Variants in SLIT2 observed in about 807,000 individuals in gnomAD.
SLIT2 encodes the protein slit guidance ligand 2, also known as slit homolog 2 protein.
In SLIT2, 41 loss-of-function variants were observed where a neutral mutation model predicts 185.7. That is an observed-to-expected ratio of 0.22 (90% CI 0.17 to 0.29). The LOEUF (loss-of-function observed/expected upper bound fraction) is 0.29. Among genes scored for constraint, SLIT2 ranks in the 10% least tolerant of loss-of-function variants. SLIT2 has a pLI of 1.00. For missense variants in SLIT2, 1,571 were observed against 1,909.0 expected, an observed-to-expected ratio of 0.82 and a Z score of 3.30; for synonymous variants, 693 against 680.2, an observed-to-expected ratio of 1.02 and a Z score of -0.29.
In SLIT2 at chr4:20,448,479, C is replaced by A. The variant is rs993025868; in HGVS notation, c.396-19273C>A. Among the ~76,000 whole-genome samples the A allele has an allele frequency of 3.9e-5, 6 of 151,972 alleles. No individual in the cohort carries two copies. The South Asian group carries it at 1.2e-3, about 32-fold the overall frequency. Reference sequence around the variant, plus strand: ...GGGATTACCAACATGAGCAACTACACCCAGCCAATTTTTGTATTTTTAGTA... The same window carrying A: ...GGGATTACCAACATGAGCAACTACAACCAGCCAATTTTTGTATTTTTAGTA... On this transcript the variant is annotated intron_variant, in intron 4 of 36. Transcript: ENST00000504154.
intron 4 of SLIT2, among the ~76,000 whole-genome samples, chr4:20,345,930 G>A (rs2109247900): frequency 6.6e-6 from 1 of 152,210 alleles, no homozygotes; most frequent in African/African-American, 2.4e-5. Context: ...CAAGATATCT[G>A]TAGACTAATT....
chr4:20,401,193 GA>G (rs1275769211), intron 4 of SLIT2, among the ~76,000 whole-genome samples: 1 of 151,830 alleles, frequency 6.6e-6, no homozygotes, highest in Non-Finnish European at 1.5e-5. Flanking sequence ...GGTAAAAGGT[GA>G]ATGATTTTCC....
chr4:20,532,071 T>C lies in SLIT2; in HGVS notation c.1688+13T>C. 6.9e-7 allele frequency: 1 copy of C among 1,458,336 alleles called. No homozygotes were observed. Among genetic ancestry groups the C allele is most frequent in the Non-Finnish European group, 9.2e-7 (1 of 1,088,952 alleles). 90.3% of individuals were successfully genotyped at this position (1,458,336 alleles called of 1,614,324 possible). ...AATTACGTAAAATGTAAGTCACTTGTTAGCTATTTTTTTTATTTCTGTAGC... is the reference window on the plus strand; with the variant it reads ...AATTACGTAAAATGTAAGTCACTTGCTAGCTATTTTTTTTATTTCTGTAGC... On this transcript the variant is annotated intron_variant, in intron 17 of 36. Transcript: ENST00000504154.
intron 4 of SLIT2, among the ~76,000 whole-genome samples, chr4:20,398,501 T>C (rs1726096215): frequency 1.3e-5 from 2 of 151,710 alleles, no homozygotes; most frequent in Admixed American, 1.3e-4. Context: ...AATCAGGAAG[T>C]TAGAAGTTAA....
At chr4:20,554,397 G>C in intron 26 of SLIT2, 1 of 455,588 alleles carries the variant, frequency 2.2e-6, no homozygotes, top group South Asian at 1.6e-5. Flanking sequence ...CTCGCCTTAT[G>C]TGCTGCAGCC....
At chr4:20,377,040 AT>A (rs1724080315) in intron 4 of SLIT2, among the ~76,000 whole-genome samples, 1 of 152,132 alleles carries the variant, frequency 6.6e-6, no homozygotes, top group East Asian at 1.9e-4. Context: ...AGTAAAAAAA[AT>A]AAAAAGAGAG....
intron 4 of SLIT2, among the ~76,000 whole-genome samples, chr4:20,438,052 C>A (rs1037290279): frequency 2.0e-5 from 3 of 151,964 alleles, no homozygotes; most frequent in Non-Finnish European, 4.4e-5. Context: ...TTCTCAACAT[C>A]TCCATTGCCT....
chr4:20,442,543 AGG>A (rs1221386484), intron 4 of SLIT2, among the ~76,000 whole-genome samples: 72 of 125,638 alleles, frequency 5.7e-4, no homozygotes, highest in African/African-American at 2.1e-3. Flanking sequence ...AAAAAAAAAA[AGG>A]GGGGGGAGGG....
intron 9 of SLIT2, among the ~76,000 whole-genome samples, chr4:20,502,304 C>T (rs1718812851): frequency 6.6e-6 from 1 of 152,030 alleles, no homozygotes; most frequent in African/African-American, 2.4e-5. Context: ...CTTCAAAAGT[C>T]CAAGGAATCT....
chr4:20,299,646 C>G (rs1042344561), intron 4 of SLIT2, among the ~76,000 whole-genome samples: 1 of 142,446 alleles, frequency 7.0e-6, no homozygotes, highest in Non-Finnish European at 1.5e-5. Context: ...GTTCATTTTG[C>G]CTTTTTTTGT....
chr4:20,472,564 C>A lies in SLIT2; in HGVS notation c.467+4741C>A, dbSNP rs370424567. Among the ~76,000 whole-genome samples, 17 of 4,656 alleles carry A rather than the reference C, an allele frequency of 3.7e-3. 4 individuals are homozygous for A. The highest frequency in any genetic ancestry group is 0.1 in the East Asian group (2 of 20). 3.1% of individuals were successfully genotyped at this position (4,656 alleles called of 152,430 possible). On this transcript the variant is annotated intron_variant, in intron 5 of 36. Transcript: ENST00000504154. ...TCTATATCTATATATAGATATATAT[C>A]TATATATAGATATATCTATATATAG...
Position 20,541,785 on chromosome 4 carries a change from C to T in SLIT2, c.2143+166C>T, listed in dbSNP as rs561378721. Among the ~76,000 whole-genome samples the T allele has an allele frequency of 2.6e-5, 4 of 152,294 alleles. No homozygotes were observed. The East Asian group carries it at 7.7e-4, about 29-fold the overall frequency. ...GTGCCAGGACACTTACTTTCTTAGA[C>T]TTGCCTTCCACATTTGAGTCTACTT... On this transcript the variant is annotated intron_variant, in intron 20 of 36. Transcript: ENST00000504154.
chr4:20,562,960 G>A (rs1560197723), intron 26 of SLIT2, among the ~76,000 whole-genome samples: 1 of 151,636 alleles, frequency 6.6e-6, no homozygotes, highest in African/African-American at 2.4e-5. Flanking sequence ...GGAGCTTTTG[G>A]TAATAAATCA....
intron 4 of SLIT2, among the ~76,000 whole-genome samples, chr4:20,272,333 T>C (rs1273693552): frequency 6.6e-6 from 1 of 152,086 alleles, no homozygotes; most frequent in East Asian, 1.9e-4. Flanking sequence ...TCTTCCCCTT[T>C]GCTCCTCCTC....
rs530357501 is a variant in SLIT2 at position 20,346,140 on chromosome 4, G to A, written c.395+77259G>A. Reference sequence around the variant, plus strand: ...CCCAAGTAGCTGGAACGACAAGCACGCACCACTATGCCCTGCTAAATTTTA... The same window carrying A: ...CCCAAGTAGCTGGAACGACAAGCACACACCACTATGCCCTGCTAAATTTTA... On this transcript the variant is annotated intron_variant, in intron 4 of 36. Coordinates refer to ENST00000504154, the MANE Select transcript of SLIT2 (RefSeq NM_004787.4). 5.9e-5 allele frequency among the ~76,000 whole-genome samples: 9 copies of A among 152,162 alleles called. No individual in the cohort carries two copies. The East Asian group carries it at 7.8e-4, about 13-fold the overall frequency.
At chr4:20,477,756 A>G (rs942516268) in intron 5 of SLIT2, among the ~76,000 whole-genome samples, 6 of 152,210 alleles carry the variant, frequency 3.9e-5, no homozygotes, top group Admixed American at 6.5e-5. Flanking sequence ...ATGATCTGCA[A>G]ATTTACACTA....
chr4:20,605,671 G>T (rs1295718696), intron 33 of SLIT2, among the ~76,000 whole-genome samples: 1 of 151,772 alleles, frequency 6.6e-6, no homozygotes, highest in Non-Finnish European at 1.5e-5. Context: ...GTCTTACTAT[G>T]TAGCAACTGA....
chr4:20,269,224 G>A (rs1713347940), intron 4 of SLIT2, among the ~76,000 whole-genome samples: 2 of 151,874 alleles, frequency 1.3e-5, no homozygotes, highest in Admixed American at 6.6e-5. Flanking sequence ...AGAGGAAGTT[G>A]GCAGTGTGTT....
At chr4:20,329,863 A>G (rs1027936610) in intron 4 of SLIT2, among the ~76,000 whole-genome samples, 2 of 151,998 alleles carry the variant, frequency 1.3e-5, no homozygotes, top group Non-Finnish European at 2.9e-5. Flanking sequence ...TTGTATCTCA[A>G]CCATCCTGAG....
Sources: allele counts gnomAD v4.1 joint callset (sites outside exome capture counted in the v4.1 genomes callset), GRCh38; gene constraint gnomAD v4.1.1; transcripts MANE v1.5; gene names NCBI Gene and HGNC (gene_info 2026-07-23, HGNC 2026-07-21).